ATRNL1: variants seen among roughly 807,000 people sequenced by gnomAD.
ATRNL1 encodes the protein attractin like 1.
A neutral mutation model predicts 182.7 loss-of-function variants in ATRNL1; 95 were observed. The observed-to-expected ratio is 0.52, with a 90% confidence interval of 0.44 to 0.62. ATRNL1 has a LOEUF of 0.62. ATRNL1 is among the 20% of genes least tolerant of loss of function. ATRNL1 has a pLI of 0.00. For synonymous variants in ATRNL1, 576 were observed against 568.3 expected, an observed-to-expected ratio of 1.01 and a Z score of -0.19; for missense variants, 1,471 against 1,679.5, an observed-to-expected ratio of 0.88 and a Z score of 2.17.
intron 28 of ATRNL1, among the ~76,000 whole-genome samples, chr10:115,935,429 C>T (rs1227145520): frequency 6.6e-6 from 1 of 152,076 alleles, no homozygotes; most frequent in East Asian, 1.9e-4. Context: ...TATTTTTGAC[C>T]ATAGCTGATT....
intron 26 of ATRNL1, among the ~76,000 whole-genome samples, chr10:115,628,515 G>A (rs1325539015): frequency 6.6e-6 from 1 of 151,138 alleles, no homozygotes; most frequent in Admixed American, 6.6e-5. Context: ...ATTTTCTCCC[G>A]TTCTATAGAT....
At chr10:115,160,354 A>C in intron 6 of ATRNL1, 140 bp downstream of exon 6, 1 of 684,128 alleles carries the variant, frequency 1.5e-6, no homozygotes, top group East Asian at 2.7e-5. Flanking sequence ...TGATTTGTGA[A>C]TACATGAACT....
rs1855918215 is a variant in ATRNL1 at position 115,345,116 on chromosome 10, G to GC, written c.3175+10698dup. Among the ~76,000 whole-genome samples the GC allele has an allele frequency of 5.9e-5, 9 of 152,352 alleles. 1 individual carries two copies. The South Asian group carries it at 1.9e-3, about 32-fold the overall frequency. ...CTTAGTCACCCCCTCTGCTGTCCCA[G>GC]CAGGTCCTGTGCCCTCCAGTTCACT... On this transcript the variant is annotated intron_variant, in intron 19 of 28. Transcript: ENST00000355044.
intron 25 of ATRNL1, among the ~76,000 whole-genome samples, chr10:115,546,068 A>G (rs782600920): frequency 1.2e-4 from 18 of 152,188 alleles, no homozygotes; most frequent in Non-Finnish European, 2.4e-4. Context: ...AACACTCAGC[A>G]TAGTGCTTGG....
intron 3 of ATRNL1, among the ~76,000 whole-genome samples, chr10:115,122,899 G>A (rs1233617246): frequency 6.6e-6 from 1 of 152,088 alleles, no homozygotes; most frequent in Non-Finnish European, 1.5e-5. Context: ...ATAATTTATT[G>A]TAACAATTAA....
At chr10:115,314,104 A>G (rs1854174369) in intron 17 of ATRNL1, among the ~76,000 whole-genome samples, 1 of 152,196 alleles carries the variant, frequency 6.6e-6, no homozygotes, top group Admixed American at 6.6e-5. Flanking sequence ...AAGATTTTAA[A>G]GGAAGACTGT....
chr10:115,386,327 G>A (rs782170747), intron 19 of ATRNL1, among the ~76,000 whole-genome samples: 9 of 151,972 alleles, frequency 5.9e-5, no homozygotes, highest in Non-Finnish European at 1.3e-4. Context: ...TAATGTTTGC[G>A]GCAGCGCTCC....
In ATRNL1 at chr10:115,947,465, C is replaced by G. The variant is rs1290475563; in HGVS notation, c.*2686C>G. 2 of 152,266 alleles carry G rather than the reference C, an allele frequency of 1.3e-5. No homozygotes were observed. The highest frequency in any genetic ancestry group is 4.8e-5 in the African/African-American group (2 of 41,308). The allele number at this position is 152,266 out of a possible 1,614,324, so 9.4% of individuals were successfully genotyped here. On this transcript the variant is annotated 3_prime_UTR_variant, in exon 29 of 29. Transcript: ENST00000355044. The stretch of plus-strand genomic sequence containing the variant: ...AATACAATGGAGTTTTAAAAATTAA[C>G]CTGGGGATTCTATTTGAACTAGAAA...
intron 17 of ATRNL1, among the ~76,000 whole-genome samples, chr10:115,302,862 G>GA (rs1853543178): frequency 1.3e-5 from 2 of 151,996 alleles, no homozygotes; most frequent in Admixed American, 1.3e-4. Flanking sequence ...CTGCTTGGGA[G>GA]AAAAAAGTGC....
At chr10:115,755,957 G>A (rs1948578125) in intron 27 of ATRNL1, among the ~76,000 whole-genome samples, 1 of 152,092 alleles carries the variant, frequency 6.6e-6, no homozygotes, top group Admixed American at 6.6e-5. Flanking sequence ...TTTGCATAGA[G>A]GTGTTTATAG....
At chr10:115,836,822 C>T (rs1950684568) in intron 27 of ATRNL1, among the ~76,000 whole-genome samples, 1 of 152,156 alleles carries the variant, frequency 6.6e-6, no homozygotes, top group Non-Finnish European at 1.5e-5. Context: ...ACTGAGGAAA[C>T]AACCAAGATC....
At chr10:115,832,349 A>G (rs1555094008) in intron 27 of ATRNL1, among the ~76,000 whole-genome samples, 1 of 152,188 alleles carries the variant, frequency 6.6e-6, no homozygotes, top group Non-Finnish European at 1.5e-5. Context: ...GGCTCCACCA[A>G]CCTAAGTGGG....
intron 27 of ATRNL1, among the ~76,000 whole-genome samples, chr10:115,760,353 A>G (rs1224495563): frequency 3.9e-5 from 6 of 152,188 alleles, no homozygotes; most frequent in African/African-American, 1.4e-4. Flanking sequence ...TCCTCCTTCA[A>G]AAAGACAGCA....
At chr10:115,148,496 T>C (rs1846065340) in intron 5 of ATRNL1, among the ~76,000 whole-genome samples, 1 of 152,184 alleles carries the variant, frequency 6.6e-6, no homozygotes, top group Non-Finnish European at 1.5e-5. Flanking sequence ...GTGGTGAAAG[T>C]GGACATCTTT....
intron 9 of ATRNL1, among the ~76,000 whole-genome samples, chr10:115,229,912 T>C (rs1039895297): frequency 6.6e-6 from 1 of 152,146 alleles, no homozygotes; most frequent in African/African-American, 2.4e-5. Flanking sequence ...ATAAAATGAA[T>C]TCCCTGCCTA....
chr10:115,629,383 C>A (rs1001273751), intron 26 of ATRNL1, among the ~76,000 whole-genome samples: 5 of 151,828 alleles, frequency 3.3e-5, no homozygotes, highest in African/African-American at 9.7e-5. Context: ...AATGTCTATT[C>A]TACTCCAAGT....
At chr10:115,419,021 C>T (rs1275996453) in intron 20 of ATRNL1, among the ~76,000 whole-genome samples, 1 of 151,972 alleles carries the variant, frequency 6.6e-6, no homozygotes, top group Admixed American at 6.6e-5. Flanking sequence ...TTGTATAAAC[C>T]ACATTTATCT....
chr10:115,830,179 GGTTTTTGTTTTT>G (rs1295135045), intron 27 of ATRNL1, among the ~76,000 whole-genome samples: 2 of 152,108 alleles, frequency 1.3e-5, no homozygotes, highest in Non-Finnish European at 2.9e-5. Context: ...AAGGGCTTTG[GGTTTTTGTTTTT>G]GTTTTTGTTT....
At chr10:115,333,998 T>G (rs1458850544) in intron 18 of ATRNL1, among the ~76,000 whole-genome samples, 1 of 152,208 alleles carries the variant, frequency 6.6e-6, no homozygotes, top group Non-Finnish European at 1.5e-5. Context: ...TTAAGGATTA[T>G]GCTAAAGATT....
Sources: gnomAD v4.1 joint callset for allele counts (sites outside exome capture counted in the v4.1 genomes callset) on GRCh38, gnomAD v4.1.1 for gene constraint, MANE v1.5 for transcripts, NCBI Gene and HGNC (gene_info 2026-07-23, HGNC 2026-07-21) for gene names.